The following KANSL1L variants were observed in gnomAD, a reference collection of about 807,000 sequenced individuals.
The protein encoded by KANSL1L is KAT8 regulatory NSL complex subunit 1-like protein.
A neutral mutation model predicts 108.6 loss-of-function variants in KANSL1L; 25 were observed. That is an observed-to-expected ratio of 0.23 (90% CI 0.17 to 0.32). KANSL1L has a LOEUF of 0.32. Among genes scored for constraint, KANSL1L ranks in the 10% least tolerant of loss-of-function variants. The probability of loss-of-function intolerance (pLI) is 1.00; values close to 1 mark genes in which losing one functional copy is unlikely to be tolerated. For missense variants in KANSL1L, 1,137 were observed against 1,125.7 expected (o/e 1.01, Z -0.14); for synonymous variants, 405 against 395.1 (o/e 1.03, Z -0.30).
At chr2:210,047,138 TAG>T (rs2125209143) in intron 6 of KANSL1L, among the ~76,000 whole-genome samples, 1 of 151,850 alleles carries the variant, frequency 6.6e-6, no homozygotes, top group African/African-American at 2.4e-5. Flanking sequence ...CTGGCTTCTG[TAG>T]AGAGGGCTGA....
At chr2:210,162,705 C>G (rs959798147) in intron 1 of KANSL1L, among the ~76,000 whole-genome samples, 1 of 90,664 alleles carries the variant, frequency 1.1e-5, no homozygotes, top group Non-Finnish European at 2.3e-5. Flanking sequence ...AGGAAGGACG[C>G]TAAAAGAAAA....
chr2:210,052,278 C>T (rs946501416), intron 6 of KANSL1L, among the ~76,000 whole-genome samples: 1 of 152,140 alleles, frequency 6.6e-6, no homozygotes, highest in Non-Finnish European at 1.5e-5. Context: ...GCTGGGGTTA[C>T]AGGCCTGAGC....
At chr2:210,111,124 GA>G (rs2094900168) in intron 3 of KANSL1L, among the ~76,000 whole-genome samples, 1 of 149,420 alleles carries the variant, frequency 6.7e-6, no homozygotes, top group Non-Finnish European at 1.5e-5. Context: ...AAATATAAAA[GA>G]AATTAAAACA....
chr2:210,099,192 TTTTAA>T (rs2094769038), intron 4 of KANSL1L, among the ~76,000 whole-genome samples: 1 of 152,186 alleles, frequency 6.6e-6, no homozygotes, highest in Admixed American at 6.5e-5. Flanking sequence ...ACACATATAC[TTTTAA>T]TTAAATTATG....
intron 5 of KANSL1L, among the ~76,000 whole-genome samples, chr2:210,086,861 G>A (rs958124751): frequency 2.6e-5 from 4 of 151,858 alleles, no homozygotes; most frequent in African/African-American, 9.7e-5. Context: ...TAATAAGCAT[G>A]CTTTATTAGA....
intron 1 of KANSL1L, among the ~76,000 whole-genome samples, chr2:210,156,167 C>T (rs938249506): frequency 2.0e-5 from 3 of 152,068 alleles, no homozygotes; most frequent in African/African-American, 7.2e-5. Context: ...GGTCATTAAA[C>T]ACAGACTTAA....
At chr2:210,074,054 G>A (rs762843483) in intron 6 of KANSL1L, among the ~76,000 whole-genome samples, 1 of 151,872 alleles carries the variant, frequency 6.6e-6, no homozygotes, top group Non-Finnish European at 1.5e-5. Flanking sequence ...TTAAAACAGG[G>A]TGCTATAACA....
intron 2 of KANSL1L, chr2:210,152,757 A>G (rs747189847): frequency 2.0e-5 from 3 of 152,222 alleles, no homozygotes; most frequent in Non-Finnish European, 4.4e-5. Flanking sequence ...TAGTAAGTCA[A>G]CTTACATGTA....
At chr2:210,099,165 G>A (rs2094768726) in intron 4 of KANSL1L, among the ~76,000 whole-genome samples, 1 of 152,028 alleles carries the variant, frequency 6.6e-6, no homozygotes, top group African/African-American at 2.4e-5. Flanking sequence ...GTAAGCATGA[G>A]TGTACATTCA....
intron 9 of KANSL1L, among the ~76,000 whole-genome samples, chr2:210,030,437 ATC>A (rs1307840629): frequency 6.7e-6 from 1 of 148,198 alleles, no homozygotes; most frequent in Non-Finnish European, 1.5e-5. Flanking sequence ...AATTTCTCAT[ATC>A]TCTCAGGATA....
chr2:210,122,928 G>A (rs1425360298), intron 3 of KANSL1L, among the ~76,000 whole-genome samples: 2 of 152,038 alleles, frequency 1.3e-5, no homozygotes, highest in African/African-American at 2.4e-5. Flanking sequence ...ATGGAAAACA[G>A]GTATATGAAA....
chr2:210,065,912 T>C (rs1208494159), intron 6 of KANSL1L, among the ~76,000 whole-genome samples: 1 of 151,812 alleles, frequency 6.6e-6, no homozygotes, highest in Non-Finnish European at 1.5e-5. Flanking sequence ...TGATGATGAG[T>C]TCCAAGACTT....
In KANSL1L at chr2:210,154,064, C is replaced by G; in HGVS notation, c.519G>C (p.Trp173Cys). Reference sequence around the variant, plus strand: ...TATCCAAAAGTGCATTCTCTTGATACCATTTACAGTTTTGTAGTTGTACTT... The same window carrying G: ...TATCCAAAAGTGCATTCTCTTGATAGCATTTACAGTTTTGTAGTTGTACTT... ...VDKVQLQNCK[W>C]YQENALLDKV... The change falls in exon 2 of 15, where the codon TGG (tryptophan) becomes TGC (cysteine). Residue 173 changes from tryptophan (W) to cysteine (C), a missense_variant. This residue lies in a region of KANSL1L where 556 missense variants were observed against 537.7 expected (regional missense o/e 1.03). Coordinates refer to ENST00000281772, the MANE Select transcript of KANSL1L (RefSeq NM_152519.4). 1 of 1,613,484 alleles carries G rather than the reference C, an allele frequency of 6.2e-7. No homozygotes were observed. The highest frequency in any genetic ancestry group is 8.5e-7 in the Non-Finnish European group (1 of 1,179,574).
At position 210,171,381 on chromosome 2, in the gene KANSL1L, C is replaced by A; in HGVS notation, c.-262G>T. 1 of 170,812 alleles carries A rather than the reference C, an allele frequency of 5.9e-6. No homozygotes were observed. Among genetic ancestry groups the A allele is most frequent in the Non-Finnish European group, 1.2e-5 (1 of 82,616 alleles). The allele number at this position is 170,812 out of a possible 1,614,324, so 10.6% of individuals were successfully genotyped here. ...GCCCGCTGCCCGCAGCTCCGTGCGGCTCGGGGGGACGGAACCCTGCCGCGG... is the reference window on the plus strand; with the variant it reads ...GCCCGCTGCCCGCAGCTCCGTGCGGATCGGGGGGACGGAACCCTGCCGCGG... On this transcript the variant is annotated 5_prime_UTR_variant, in exon 1 of 15. Transcript: ENST00000281772.
intron 5 of KANSL1L, among the ~76,000 whole-genome samples, chr2:210,085,448 A>G (rs1206338824): frequency 6.6e-6 from 1 of 152,174 alleles, no homozygotes; most frequent in Non-Finnish European, 1.5e-5. Flanking sequence ...ACATAAAGGC[A>G]AAGAGACGAG....
rs2095317354 is a variant in KANSL1L at position 210,153,732 on chromosome 2, T to C, written c.851A>G (p.Asn284Ser). 5.0e-6 allele frequency: 8 copies of C among 1,605,528 alleles called. No homozygotes were observed. The highest frequency in any genetic ancestry group is 5.9e-6 in the Non-Finnish European group (7 of 1,177,058). Reference sequence around the variant, plus strand: ...AATTTCAGTGCATTTAGGTAAACTATTACCCAAAATTGTGGTAGGTTCATG... The same window carrying C: ...AATTTCAGTGCATTTAGGTAAACTACTACCCAAAATTGTGGTAGGTTCATG... ...TFHEPTTILG[N>S]SLPKCTEIKP... Residue 284 changes from asparagine to serine, a missense_variant, in exon 2 of 15, where the codon AAT (asparagine) becomes AGT (serine). Physicochemically the swap from Asn to Ser is conservative, Grantham distance 46. Transcript: ENST00000281772.
chr2:210,121,332 C>A (rs1235861112), intron 3 of KANSL1L, among the ~76,000 whole-genome samples: 1 of 152,190 alleles, frequency 6.6e-6, no homozygotes, highest in Non-Finnish European at 1.5e-5. Context: ...ACAATGAGAT[C>A]ATGTCCTTTG....
At chr2:210,081,024 G>A (rs1298050011) in intron 5 of KANSL1L, among the ~76,000 whole-genome samples, 3 of 151,824 alleles carry the variant, frequency 2.0e-5, no homozygotes, top group Admixed American at 6.6e-5. Context: ...TGAGAATCGC[G>A]TGAACCAGGG....
rs1559539681 is a variant in KANSL1L, at chr2:210,079,646, A to ATATATATATATGTG, written c.1551-3891_1551-3890insCACATATATATATA. Among the ~76,000 whole-genome samples, 10 of 13,116 alleles carry ATATATATATATGTG rather than the reference A, an allele frequency of 7.6e-4. 1 individual carries two copies. The highest frequency in any genetic ancestry group is 6.0e-3 in the East Asian group (1 of 168). The allele number at this position is 13,116 out of a possible 152,430, so 8.6% of individuals were successfully genotyped here. On this transcript the variant is annotated intron_variant, in intron 5 of 14. Coordinates refer to ENST00000281772, the MANE Select transcript of KANSL1L (RefSeq NM_152519.4). The stretch of plus-strand genomic sequence containing the variant: ...TATATATATATATATATATATATAT[A>ATATATATATATGTG]TATATATATATATATATATGTATGT...
Sources: allele counts gnomAD v4.1 joint callset (sites outside exome capture counted in the v4.1 genomes callset), GRCh38; gene constraint gnomAD v4.1.1; regional missense constraint gnomAD v4.1.1; transcripts MANE v1.5; gene names NCBI Gene and HGNC (gene_info 2026-07-23, HGNC 2026-07-21).